Variants in CALM2 observed in about 807,000 individuals in gnomAD.
CALM2 encodes calmodulin 2, also known as calmodulin-2.
Under a neutral mutation model 19.8 loss-of-function variants are expected in CALM2, and 2 were observed. The observed-to-expected ratio is 0.10, with a 90% CI of 0.04 to 0.32. The LOEUF (loss-of-function observed/expected upper bound fraction) is 0.32. Among genes scored for constraint, CALM2 ranks in the 10% least tolerant of loss-of-function variants. The pLI is 1.00. For synonymous variants in CALM2, 51 were observed against 52.1 expected (o/e 0.98, Z 0.09); for missense variants, 38 against 178.7 (o/e 0.21, Z 4.49).
upstream of CALM2, chr2:47,176,663 C>T (rs757898083): frequency 6.9e-7 from 1 of 1,453,716 alleles, no homozygotes; most frequent in African/African-American, 1.4e-5. Flanking sequence ...GTTATTTGGT[C>T]GATGAGGCAA....
intron 1 of CALM2, chr2:47,173,364 C>G (rs113501794): frequency 7.6e-4 from 115 of 152,262 alleles, no homozygotes; most frequent in African/African-American, 2.7e-3. Flanking sequence ...AGAGAGATGA[C>G]TTGTTCTTAC....
chr2:47,162,234 C>CT, intron 4 of CALM2, 52 bp downstream of exon 4: 1 of 836,708 alleles, frequency 1.2e-6, no homozygotes, highest in Non-Finnish European at 1.8e-6. Flanking sequence ...ATAATGAGTC[C>CT]TGGTATCTTC....
chr2:47,170,712 A>C (rs781105185), intron 2 of CALM2, 22 bp downstream of exon 2: 2 of 1,595,138 alleles, frequency 1.3e-6, no homozygotes, highest in Non-Finnish European at 1.7e-6. Context: ...TAATGGGTAC[A>C]ATCTAGCTGA....
chr2:47,172,692 T>A (rs1233897886), intron 1 of CALM2: 1 of 287,558 alleles, frequency 3.5e-6, no homozygotes, highest in African/African-American at 2.2e-5. Flanking sequence ...GACATCACTT[T>A]AAGGCTAAAA....
intron 1 of CALM2, among the ~76,000 whole-genome samples, chr2:47,175,916 G>A (rs1321711425): frequency 6.7e-6 from 1 of 149,968 alleles, no homozygotes; most frequent in Non-Finnish European, 1.5e-5. Flanking sequence ...GGCACGCGGA[G>A]GACGCGGGCT....
intron 2 of CALM2, among the ~76,000 whole-genome samples, chr2:47,165,248 G>C (rs1666427227): frequency 6.6e-6 from 1 of 152,110 alleles, no homozygotes. Context: ...TTGACTACTG[G>C]GTTAGAATTT....
chr2:47,171,963 T>C (rs1318112470), intron 1 of CALM2: 1 of 127,920 alleles, frequency 7.8e-6, no homozygotes, highest in Non-Finnish European at 1.6e-5. Context: ...TGTTTGACCA[T>C]GATGTAAATC....
intron 1 of CALM2, chr2:47,171,448 G>A (rs1666664354): frequency 6.6e-6 from 1 of 152,164 alleles, no homozygotes; most frequent in African/African-American, 2.4e-5. Flanking sequence ...ACCTTACAGT[G>A]GTATTATCCC....
chr2:47,171,229 C>T (rs1239445793), intron 1 of CALM2: 1 of 154,974 alleles, frequency 6.5e-6, no homozygotes, highest in African/African-American at 2.4e-5. Flanking sequence ...AGGCAAAATG[C>T]AAAGAATCCA....
At chr2:47,175,041 A>G (rs1171929638) in intron 1 of CALM2, among the ~76,000 whole-genome samples, 1 of 150,198 alleles carries the variant, frequency 6.7e-6, no homozygotes, top group African/African-American at 2.5e-5. Context: ...GGCAGGAGGA[A>G]CCACAAAGTA....
chr2:47,167,859 C>A (rs1177301621), intron 2 of CALM2, among the ~76,000 whole-genome samples: 1 of 118,794 alleles, frequency 8.4e-6, no homozygotes, highest in Non-Finnish European at 1.6e-5. Flanking sequence ...GTCTTGAACT[C>A]CTGGGCTCAA....
intron 2 of CALM2, among the ~76,000 whole-genome samples, chr2:47,169,901 A>G (rs955407793): frequency 8.0e-5 from 12 of 149,262 alleles, no homozygotes; most frequent in Admixed American, 2.0e-4. Context: ...CTTGGTGCTC[A>G]TGCTAATAAA....
chr2:47,174,792 C>A (rs1666792536), intron 1 of CALM2, among the ~76,000 whole-genome samples: 1 of 152,092 alleles, frequency 6.6e-6, no homozygotes, highest in African/African-American at 2.4e-5. Context: ...ATGTTTATTA[C>A]ATATGCCTGT....
chr2:47,170,235 G>A (rs1666620954), intron 2 of CALM2, among the ~76,000 whole-genome samples: 1 of 152,178 alleles, frequency 6.6e-6, no homozygotes, highest in Admixed American at 6.5e-5. Flanking sequence ...AGAATAGAAT[G>A]CCAACTTCTT....
intron 1 of CALM2, among the ~76,000 whole-genome samples, chr2:47,175,127 G>A (rs1470612471): frequency 8.0e-6 from 1 of 124,710 alleles, no homozygotes; most frequent in East Asian, 2.5e-4. Context: ...CCCAGTCTGA[G>A]GTGACCGGAA....
At chr2:47,173,504 A>T (rs1180894202) in intron 1 of CALM2, 1 of 152,214 alleles carries the variant, frequency 6.6e-6, no homozygotes, top group South Asian at 2.1e-4. Context: ...ATTTTGGAGA[A>T]CCATAGGTGA....
rs944840309 is a variant in CALM2 at position 47,160,495 on chromosome 2, C to A, written c.*281G>T. The A allele has an allele frequency of 3.7e-4, 114 of 308,626 alleles. 1 individual carries two copies. The highest frequency in any genetic ancestry group is 1.0e-4 in the Admixed American group (2 of 19,924). 19.1% of individuals were successfully genotyped at this position (308,626 alleles called of 1,614,324 possible). On this transcript the variant is annotated 3_prime_UTR_variant, in exon 6 of 6. Transcript: ENST00000272298. ...TAAAAAAGGCATAACCCAGATGTTCCCTCATTTGACCAACTCCATCTAAGT... is the reference window on the plus strand; with the variant it reads ...TAAAAAAGGCATAACCCAGATGTTCACTCATTTGACCAACTCCATCTAAGT...
rs1454089427 is a variant in CALM2 at position 47,176,467 on chromosome 2, A to C, written c.-24T>G. 4.3e-6 allele frequency: 7 copies of C among 1,613,558 alleles called. No individual in the cohort carries two copies. The highest frequency in any genetic ancestry group is 5.1e-6 in the Non-Finnish European group (6 of 1,179,932). ...ATGCTGCAAGCGCTACCGGTTTCCG[A>C]GACGCGACCACACAACCACTCAGCT... On this transcript the variant is annotated 5_prime_UTR_variant, in exon 1 of 6. Transcript: ENST00000272298.
intron 3 of CALM2, 54 bp from the exon 4 acceptor site, chr2:47,162,446 A>G (rs1477054870): frequency 1.2e-6 from 2 of 1,608,878 alleles, no homozygotes; most frequent in Non-Finnish European, 1.7e-6. Flanking sequence ...ATAAGCAAAC[A>G]GCAAAGGTTT....
Sources: gnomAD v4.1 joint callset for allele counts (sites outside exome capture counted in the v4.1 genomes callset) on GRCh38, gnomAD v4.1.1 for gene constraint, MANE v1.5 for transcripts, NCBI Gene and HGNC (gene_info 2026-07-23, HGNC 2026-07-21) for gene names.